Variants in RNF180 observed in about 807,000 individuals in gnomAD.
The protein encoded by RNF180 is ring finger protein 180, also known as E3 ubiquitin-protein ligase RNF180.
In RNF180, 38 loss-of-function variants were observed where a neutral mutation model predicts 59.2. The observed-to-expected ratio is 0.64, with a 90% confidence interval of 0.50 to 0.84. The LOEUF (loss-of-function observed/expected upper bound fraction) is 0.84. Among genes scored for constraint, RNF180 ranks in the 40% least tolerant of loss-of-function variants. The probability of loss-of-function intolerance (pLI) is 0.00; values close to 1 mark genes in which losing one functional copy is unlikely to be tolerated. For synonymous variants in RNF180, 262 were observed against 240.3 expected, an observed-to-expected ratio of 1.09 and a Z score of -0.84; for missense variants, 705 against 700.9, an observed-to-expected ratio of 1.01 and a Z score of -0.07.
chr5:64,326,164 G>A (rs6449713), intron 6 of RNF180, among the ~76,000 whole-genome samples: 51,084 of 151,696 alleles, frequency 0.34, 9,658 homozygotes, highest in African/African-American at 0.52. Flanking sequence ...TATATGGTGC[G>A]TCTTTCTTCC....
At chr5:64,196,097 C>G (rs139528684) in intron 1 of RNF180, among the ~76,000 whole-genome samples, 1 of 152,052 alleles carries the variant, frequency 6.6e-6, no homozygotes, top group African/African-American at 2.4e-5. Context: ...TTGAATAAAA[C>G]AATGTTATTC....
intron 5 of RNF180, among the ~76,000 whole-genome samples, chr5:64,273,685 G>GA (rs1322224276): frequency 1.3e-5 from 2 of 151,816 alleles, no homozygotes; most frequent in African/African-American, 2.4e-5. Flanking sequence ...AGAAAACTAA[G>GA]AAAAAAAGTA....
At chr5:64,196,189 AG>A (rs1392434662) in intron 1 of RNF180, among the ~76,000 whole-genome samples, 1 of 125,920 alleles carries the variant, frequency 7.9e-6, no homozygotes, top group Non-Finnish European at 1.7e-5. Flanking sequence ...ACAGGCACTT[AG>A]TTTTTTTTTT....
rs143119583 is a variant in RNF180 at position 64,372,496 on chromosome 5, C to T, written c.*2682C>T. 1.3e-5 allele frequency: 2 copies of T among 152,034 alleles called. No individual in the cohort carries two copies. Among genetic ancestry groups the T allele is most frequent in the African/African-American group, 4.8e-5 (2 of 41,550 alleles). The allele number at this position is 152,034 out of a possible 1,614,324, so 9.4% of individuals were successfully genotyped here. On this transcript the variant is annotated 3_prime_UTR_variant, in exon 8 of 8. Transcript: ENST00000389100. ...ATCAGTTTCACTTCTGCCTTGGAAT[C>T]TTGCTCCTAAGTTAGCTCTGTGGCA... is the stretch of plus-strand genomic sequence containing the variant.
intron 1 of RNF180, among the ~76,000 whole-genome samples, chr5:64,182,032 TC>T (rs1750617847): frequency 7.0e-6 from 1 of 142,576 alleles, no homozygotes; most frequent in South Asian, 2.3e-4. Flanking sequence ...CGCTCTGTCT[TC>T]CAGGCTGGAG....
chr5:64,356,545 T>C (rs1437237151), intron 7 of RNF180, among the ~76,000 whole-genome samples: 1 of 151,886 alleles, frequency 6.6e-6, no homozygotes, highest in Non-Finnish European at 1.5e-5. Flanking sequence ...AAGATAGTTG[T>C]ATGCCAATGT....
chr5:64,240,549 T>C (rs138097401), intron 5 of RNF180, among the ~76,000 whole-genome samples: 1 of 152,212 alleles, frequency 6.6e-6, no homozygotes, highest in African/African-American at 2.4e-5. Context: ...ACAGTGGAAA[T>C]TGGGTGACAG....
chr5:64,357,775 C>T (rs572989827), intron 7 of RNF180, among the ~76,000 whole-genome samples: 9 of 151,664 alleles, frequency 5.9e-5, no homozygotes, highest in East Asian at 5.9e-4. Context: ...TCTTTGATGG[C>T]GAATATAAAT....
At chr5:64,203,237 T>G (rs1751843054) in intron 2 of RNF180, among the ~76,000 whole-genome samples, 1 of 152,210 alleles carries the variant, frequency 6.6e-6, no homozygotes, top group Admixed American at 6.5e-5. Context: ...TGAGGAGTAC[T>G]CTAACAGAGG....
chr5:64,277,326 T>C (rs779582688), intron 5 of RNF180, among the ~76,000 whole-genome samples: 2 of 152,068 alleles, frequency 1.3e-5, no homozygotes, highest in Non-Finnish European at 2.9e-5. Flanking sequence ...ATCCTGTTTA[T>C]GTAAAATATG....
At chr5:64,174,519 G>A (rs1027426289) in intron 1 of RNF180, among the ~76,000 whole-genome samples, 2 of 151,890 alleles carry the variant, frequency 1.3e-5, no homozygotes, top group South Asian at 2.1e-4. Context: ...GTGAGATTAT[G>A]TCTCATTGTG....
chr5:64,322,493 A>G (rs1744409455), intron 5 of RNF180, among the ~76,000 whole-genome samples: 2 of 152,068 alleles, frequency 1.3e-5, no homozygotes, highest in Admixed American at 6.6e-5. Context: ...GTCAAGAAAC[A>G]ATAGATGCTG....
intron 1 of RNF180, among the ~76,000 whole-genome samples, chr5:64,180,979 CTG>C (rs930447488): frequency 2.6e-5 from 4 of 152,182 alleles, no homozygotes; most frequent in Non-Finnish European, 5.9e-5. Flanking sequence ...AGCCTTCAGT[CTG>C]TCGCTGAAGG....
chr5:64,351,343 C>G (rs1470041125), intron 7 of RNF180, among the ~76,000 whole-genome samples: 2 of 152,144 alleles, frequency 1.3e-5, no homozygotes, highest in Admixed American at 1.3e-4. Context: ...ATCATGTCAT[C>G]TGCAAACAGG....
At chr5:64,331,927 C>T (rs890608014) in intron 7 of RNF180, among the ~76,000 whole-genome samples, 1 of 152,096 alleles carries the variant, frequency 6.6e-6, no homozygotes, top group Non-Finnish European at 1.5e-5. Context: ...ACTCGGGTGC[C>T]CACAGCAGAA....
intron 5 of RNF180, among the ~76,000 whole-genome samples, chr5:64,257,582 A>G (rs1342345325): frequency 6.6e-6 from 1 of 152,108 alleles, no homozygotes; most frequent in Non-Finnish European, 1.5e-5. Context: ...AAGCTTTTTG[A>G]TGTGCTGCTG....
intron 7 of RNF180, among the ~76,000 whole-genome samples, chr5:64,356,134 C>T (rs1746014319): frequency 6.6e-6 from 1 of 151,640 alleles, no homozygotes; most frequent in African/African-American, 2.4e-5. Context: ...GTGGTGCATG[C>T]CTGTAGTCCT....
At chr5:64,208,829 GA>G (rs1752159463) in intron 2 of RNF180, among the ~76,000 whole-genome samples, 1 of 151,620 alleles carries the variant, frequency 6.6e-6, no homozygotes, top group African/African-American at 2.4e-5. Flanking sequence ...CTATTTAAAA[GA>G]AAAAAATATA....
At chr5:64,336,707 A>G (rs917907204) in intron 7 of RNF180, among the ~76,000 whole-genome samples, 1 of 152,186 alleles carries the variant, frequency 6.6e-6, no homozygotes, top group African/African-American at 2.4e-5. Flanking sequence ...TTAGCCTTTC[A>G]GATGCCTCTT....
Sources: allele counts gnomAD v4.1 joint callset (sites outside exome capture counted in the v4.1 genomes callset), GRCh38; gene constraint gnomAD v4.1.1; transcripts MANE v1.5; gene names NCBI Gene and HGNC (gene_info 2026-07-23, HGNC 2026-07-21).